LPCAT3: variants seen among roughly 807,000 people sequenced by gnomAD.
The protein encoded by LPCAT3 is lysophosphatidylcholine acyltransferase 3.
In LPCAT3, 21 loss-of-function variants were observed where a neutral mutation model predicts 63.4. That is an observed-to-expected ratio of 0.33 (90% CI 0.23 to 0.48). LPCAT3 has a LOEUF of 0.48. Among genes scored for constraint, LPCAT3 ranks in the 20% least tolerant of loss-of-function variants. The pLI, the probability that LPCAT3 is intolerant of heterozygous loss-of-function variation, is 0.99. For missense variants in LPCAT3, 451 were observed against 590.6 expected (o/e 0.76, Z 2.45); for synonymous variants, 242 against 227.5 (o/e 1.06, Z -0.58).
chr12:7,001,123 T>C (rs1946684154), intron 1 of LPCAT3, among the ~76,000 whole-genome samples: 1 of 151,974 alleles, frequency 6.6e-6, no homozygotes, highest in African/African-American at 2.4e-5. Flanking sequence ...CTTAACTAAA[T>C]TAAATCTATA....
In LPCAT3 at chr12:6,977,725, T is replaced by C. The variant is rs782278519; in HGVS notation, c.1061A>G (p.Lys354Arg). The C allele has an allele frequency of 8.1e-6, 13 of 1,614,162 alleles. No individual in the cohort carries two copies. In the South Asian group the frequency reaches 1.4e-4, roughly 18 times the overall value. The change falls in exon 10 of 13, where the codon AAG (lysine) becomes AGG (arginine). Residue 354 changes from lysine (K) to arginine (R), a missense_variant. Lys to Arg is a conservative substitution (Grantham distance 26). This residue lies in a region of LPCAT3 where 304 missense variants were observed against 390.8 expected (regional missense o/e 0.78). Transcript: ENST00000261407. This position sits in a 1 kb window ranked among gnomAD's most constrained non-coding sequence, Gnocchi z 4.5. The part of the protein sequence containing the change: ...WVARYIFKRL[K>R]FLGNKELSQG... ...AGAGAGTTCTTTATTTCCAAGGAAC[T>C]TGAGTCGTTTGAAGATGTAGCTGGA...
intron 1 of LPCAT3, among the ~76,000 whole-genome samples, chr12:7,010,550 G>A (rs994849765): frequency 3.3e-5 from 5 of 152,114 alleles, no homozygotes; most frequent in Admixed American, 3.3e-4. Flanking sequence ...TGAGTAGCTG[G>A]GACTACAGAC....
In LPCAT3 at chr12:6,982,742, C is replaced by T. The variant is rs781993412; in HGVS notation, c.300G>A (p.Gln100=). ...GGCCCATTAGTCGAAGGATGAGGAA[C>T]TGAAGCACAATACACAGCAGGGAGT... is the stretch of plus-strand genomic sequence containing the variant. ...LYHSLLCIVL[Q]FLILRLMGRT... The change falls in exon 3 of 13, where the codon CAG becomes CAA. Residue 100 remains glutamine, a synonymous_variant. Coordinates refer to ENST00000261407, the MANE Select transcript of LPCAT3 (RefSeq NM_005768.6). The T allele has an allele frequency of 4.3e-6, 7 of 1,613,956 alleles. No individual in the cohort carries two copies. The East Asian group carries it at 1.1e-4, about 26-fold the overall frequency.
chr12:6,989,065 G>A (rs1186885757), intron 1 of LPCAT3, among the ~76,000 whole-genome samples: 1 of 151,684 alleles, frequency 6.6e-6, no homozygotes, highest in Admixed American at 6.6e-5. Context: ...GGAGGTTGTG[G>A]TGAGCCGAGA....
intron 1 of LPCAT3, among the ~76,000 whole-genome samples, chr12:7,007,329 G>A (rs1227837475): frequency 6.6e-6 from 1 of 151,942 alleles, no homozygotes; most frequent in Non-Finnish European, 1.5e-5. Context: ...GGGATTACAG[G>A]TGTAAGCCAC....
chr12:6,977,347 A>T lies in LPCAT3; in HGVS notation c.1347+20T>A. ...GTTGCAGTGAGTCCCTCCCAGTCTC[A>T]CAAGCAGGCCTTCACTTGCCTTAAG... On this transcript the variant is annotated intron_variant, in intron 11 of 12. Coordinates refer to ENST00000261407, the MANE Select transcript of LPCAT3 (RefSeq NM_005768.6). The surrounding 1 kb of genome is among the most constrained non-coding windows in gnomAD (Gnocchi z 4.5). 6.2e-7 allele frequency: 1 copy of T among 1,613,998 alleles called. No individual in the cohort carries two copies. Among genetic ancestry groups the T allele is most frequent in the East Asian group, 2.2e-5 (1 of 44,876 alleles).
intron 1 of LPCAT3, among the ~76,000 whole-genome samples, chr12:6,983,974 C>T (rs1411648742): frequency 6.6e-6 from 1 of 152,144 alleles, no homozygotes; most frequent in Non-Finnish European, 1.5e-5. Context: ...GAAACCCCGT[C>T]TCTATTAAAA....
chr12:7,003,629 T>C (rs1791673974), intron 1 of LPCAT3, among the ~76,000 whole-genome samples: 1 of 152,136 alleles, frequency 6.6e-6, no homozygotes, highest in South Asian at 2.1e-4. Flanking sequence ...GCATAAGAAT[T>C]ACCTAGGATG....
intron 6 of LPCAT3, 57 bp from the exon 7 acceptor site, chr12:6,979,636 C>T: frequency 8.2e-7 from 1 of 1,212,684 alleles, no homozygotes; most frequent in Non-Finnish European, 1.2e-6. Flanking sequence ...TTCCCTTCAC[C>T]CTCTGACCTT....
intron 1 of LPCAT3, among the ~76,000 whole-genome samples, chr12:6,984,649 C>G (rs113786139): frequency 2.6e-5 from 4 of 152,204 alleles, no homozygotes; most frequent in African/African-American, 9.7e-5. Context: ...TGCAGTGGCA[C>G]GATCATCGCT....
chr12:7,011,066 A>G (rs782213193), intron 1 of LPCAT3, among the ~76,000 whole-genome samples: 1 of 152,068 alleles, frequency 6.6e-6, no homozygotes, highest in South Asian at 2.1e-4. Flanking sequence ...CCCATGCTGG[A>G]GTGTAGAGGT....
At chr12:6,992,534 AT>A (rs1183908860) in intron 1 of LPCAT3, among the ~76,000 whole-genome samples, 14 of 152,202 alleles carry the variant, frequency 9.2e-5, no homozygotes, top group Non-Finnish European at 7.3e-5. Context: ...AGACAAATAC[AT>A]CTTAGTAGTA....
At chr12:7,012,627 A>T (rs1946770954) in intron 1 of LPCAT3, among the ~76,000 whole-genome samples, 1 of 152,146 alleles carries the variant, frequency 6.6e-6, no homozygotes, top group Non-Finnish European at 1.5e-5. Context: ...TTTCCATGGC[A>T]TTTCATTCCC....
In LPCAT3 at chr12:7,004,368, A is replaced by G. The variant is rs143839148; in HGVS notation, c.151+13906T>C. 2.6e-5 allele frequency among the ~76,000 whole-genome samples: 4 copies of G among 152,288 alleles called. No homozygotes were observed. In the East Asian group the frequency reaches 7.7e-4, roughly 29 times the overall value. ...AAGCTTGACATTGTAAACACTTTGT[A>G]TGTATTAACCCACTTAATCCTCAAA... On this transcript the variant is annotated intron_variant, in intron 1 of 12. Coordinates refer to ENST00000261407, the MANE Select transcript of LPCAT3 (RefSeq NM_005768.6).
At chr12:7,010,107 A>T (rs1423483048) in intron 1 of LPCAT3, among the ~76,000 whole-genome samples, 2 of 152,072 alleles carry the variant, frequency 1.3e-5, no homozygotes, top group African/African-American at 2.4e-5. Flanking sequence ...ACATGTTACT[A>T]CCTTACTCTG....
rs768824782 is a variant in LPCAT3 at position 6,982,700 on chromosome 12, G to A, written c.342C>T (p.Val114=). 3.1e-6 allele frequency: 5 copies of A among 1,613,516 alleles called. No homozygotes were observed. Among genetic ancestry groups the A allele is most frequent in the Non-Finnish European group, 4.2e-6 (5 of 1,179,438 alleles). ...CCATCTGGAAGCAAAAGGTAGTGAG[G>A]ACGGCAGTGATGGTGCGGCCCATTA... The part of the protein sequence containing the change: ...LRLMGRTITA[V]LTTFCFQMAY... Residue 114 remains valine (V), a synonymous_variant, in exon 3 of 13, where the codon GTC becomes GTT. Transcript: ENST00000261407.
intron 2 of LPCAT3, chr12:6,983,067 G>C (rs1555154352): frequency 3.6e-6 from 2 of 551,556 alleles, no homozygotes; most frequent in Non-Finnish European, 6.8e-6. Context: ...CTGCAGCCTT[G>C]AATTCCGGGC....
At chr12:7,005,596 ATC>A (rs1318334718) in intron 1 of LPCAT3, among the ~76,000 whole-genome samples, 1 of 152,112 alleles carries the variant, frequency 6.6e-6, no homozygotes, top group African/African-American at 2.4e-5. Flanking sequence ...CTTCACCAAC[ATC>A]TGTTTGTGTG....
In LPCAT3 at chr12:6,978,457, C is replaced by G; in HGVS notation, c.924G>C (p.Lys308Asn). 9 of 1,614,140 alleles carry G rather than the reference C, an allele frequency of 5.6e-6. No individual in the cohort carries two copies. Among genetic ancestry groups the G allele is most frequent in the Non-Finnish European group, 7.6e-6 (9 of 1,180,006 alleles). Residue 308 changes from lysine (K) to asparagine (N), a missense_variant, in exon 9 of 13, where the codon AAG (lysine) becomes AAC (asparagine). Physicochemically the swap from Lys to Asn is moderately conservative, Grantham distance 94 (BLOSUM62 0). Transcript: ENST00000261407. ...CACAGGCATCCCACTTTGCCTTGCC[C>G]TTTTCTTCAAAGCCATTGAAGCCCA... The part of the protein sequence containing the change: ...TGLGFNGFEE[K>N]GKAKWDACAN...
Sources: gnomAD v4.1 joint callset for allele counts (sites outside exome capture counted in the v4.1 genomes callset) on GRCh38, gnomAD v4.1.1 for gene constraint, gnomAD v4.1.1 regional missense constraint, Gnocchi (gnomAD v3.1) non-coding constraint, MANE v1.5 for transcripts, NCBI Gene and HGNC (gene_info 2026-07-23, HGNC 2026-07-21) for gene names.